Variants in PCDH15 observed in about 807,000 individuals in gnomAD.
PCDH15 encodes protocadherin-15.
PCDH15 carries 129 observed loss-of-function variants against 178.5 expected under a neutral mutation model. The observed-to-expected ratio is 0.72, with a 90% CI of 0.63 to 0.84. The LOEUF is 0.84. Among genes scored for constraint, PCDH15 ranks in the 40% least tolerant of loss-of-function variants. The probability of loss-of-function intolerance (pLI) is 0.00; values close to 1 mark genes in which losing one functional copy is unlikely to be tolerated. For missense variants in PCDH15, 2,230 were observed against 2,099.9 expected (o/e 1.06, Z -1.21); for synonymous variants, 800 against 732.0 (o/e 1.09, Z -1.50).
intron 3 of PCDH15, among the ~76,000 whole-genome samples, chr10:54,832,924 G>C (rs1268182264): frequency 1.3e-5 from 2 of 152,084 alleles, no homozygotes; most frequent in Non-Finnish European, 2.9e-5. Flanking sequence ...ACATTTTGCA[G>C]GTAAGGAAAC....
At chr10:54,351,107 T>A (rs1018275132) in intron 5 of PCDH15, among the ~76,000 whole-genome samples, 61 of 146,158 alleles carry the variant, frequency 4.2e-4, no homozygotes, top group East Asian at 1.0e-3. Context: ...TGTCTCAATT[T>A]AAAAAAAAAA....
chr10:54,848,218 A>G (rs1953547205), intron 3 of PCDH15, among the ~76,000 whole-genome samples: 1 of 151,916 alleles, frequency 6.6e-6, no homozygotes, highest in African/African-American at 2.4e-5. Flanking sequence ...ATCTCTATCT[A>G]CCAAAAATAG....
In PCDH15 at chr10:54,635,666, A is replaced by T. The variant is rs556897454; in HGVS notation, c.91+28506T>A. ...TATGGTAACAAATATAAAACATCAG[A>T]AGCCTAAAATAAGAAAAATTATATA... On this transcript the variant is annotated intron_variant, in intron 2 of 37. Coordinates refer to ENST00000644397, the MANE Select transcript of PCDH15 (RefSeq NM_001384140.1). 7.9e-5 allele frequency among the ~76,000 whole-genome samples: 12 copies of T among 151,974 alleles called. No individual in the cohort carries two copies. In the South Asian group the frequency reaches 2.5e-3, roughly 31 times the overall value.
chr10:54,976,341 G>C (rs557570232), intron 2 of PCDH15, among the ~76,000 whole-genome samples: 1 of 152,228 alleles, frequency 6.6e-6, no homozygotes, highest in African/African-American at 2.4e-5. Context: ...CCATGGTATT[G>C]TAGTTAAAAA....
At chr10:54,153,061 G>A in intron 14 of PCDH15, 39 bp downstream of exon 14, 1 of 1,605,946 alleles carries the variant, frequency 6.2e-7, no homozygotes, top group East Asian at 2.2e-5. Flanking sequence ...GGTTAAACGG[G>A]CCCGATGAAA....
chr10:55,487,042 C>G (rs12412734), intron 2 of PCDH15, among the ~76,000 whole-genome samples: 1 of 151,478 alleles, frequency 6.6e-6, no homozygotes, highest in Admixed American at 6.6e-5. Context: ...TAAATCTATA[C>G]AAATTATAAT....
At chr10:55,593,740 T>C (rs1157425122) in intron 2 of PCDH15, among the ~76,000 whole-genome samples, 1 of 151,856 alleles carries the variant, frequency 6.6e-6, no homozygotes, top group Non-Finnish European at 1.5e-5. Context: ...CCATAAACAA[T>C]TTTCACCGAA....
At chr10:54,928,898 T>G (rs1837696475) in intron 2 of PCDH15, among the ~76,000 whole-genome samples, 1 of 152,172 alleles carries the variant, frequency 6.6e-6, no homozygotes, top group Admixed American at 6.6e-5. Flanking sequence ...AGAGCTTTGT[T>G]GCTATCCATA....
chr10:54,237,248 C>G lies in PCDH15; in HGVS notation c.877-317G>C, dbSNP rs61543176. Among the ~76,000 whole-genome samples, 3,584 of 152,034 alleles carry G rather than the reference C, an allele frequency of 0.024. 137 individuals carry two copies. Among genetic ancestry groups the G allele is most frequent in the African/African-American group, 0.076 (3,144 of 41,472 alleles). ...GAGGATTTCACAAAAGAAATAGCAG[C>G]CTATCAAATAGTTTATGAAGTAATG... On this transcript the variant is annotated intron_variant, in intron 8 of 37. Transcript: ENST00000644397.
chr10:54,538,328 G>C (rs1043907287), intron 2 of PCDH15, among the ~76,000 whole-genome samples: 9 of 151,980 alleles, frequency 5.9e-5, no homozygotes, highest in Admixed American at 5.9e-4. Context: ...TTCTGTATGT[G>C]GCTAGCCAGT....
chr10:55,005,229 C>T (rs1021481027), intron 2 of PCDH15, among the ~76,000 whole-genome samples: 5 of 27,760 alleles, frequency 1.8e-4, no homozygotes, highest in East Asian at 2.3e-3. Flanking sequence ...TAATAATAAT[C>T]AATGGAGCCT....
chr10:54,752,492 C>CAAAAAAAAA (rs1227186569), intron 1 of PCDH15, among the ~76,000 whole-genome samples: 2 of 67,784 alleles, frequency 3.0e-5, no homozygotes, highest in African/African-American at 5.4e-5. Flanking sequence ...AAAAAAAAAA[C>CAAAAAAAAA]AAAAAACAAA....
chr10:54,118,062 T>C (rs2095146977), intron 15 of PCDH15, among the ~76,000 whole-genome samples: 1 of 152,016 alleles, frequency 6.6e-6, no homozygotes, highest in Non-Finnish European at 1.5e-5. Flanking sequence ...TAAGTGGCAG[T>C]GAAAAAGAGC....
At chr10:53,900,556 AC>A (rs1440937683) in intron 26 of PCDH15, among the ~76,000 whole-genome samples, 1 of 152,086 alleles carries the variant, frequency 6.6e-6, no homozygotes. Context: ...TTACACTACT[AC>A]CAAACTTTCG....
intron 3 of PCDH15, among the ~76,000 whole-genome samples, chr10:54,409,896 A>G (rs991007613): frequency 6.6e-6 from 1 of 152,158 alleles, no homozygotes; most frequent in African/African-American, 2.4e-5. Flanking sequence ...TGATACAGCA[A>G]TAAAACCCTC....
intron 1 of PCDH15, among the ~76,000 whole-genome samples, chr10:54,722,261 G>A (rs776477890): frequency 6.6e-6 from 1 of 151,568 alleles, no homozygotes. Flanking sequence ...CCAAAATTAT[G>A]CTGAATAAGG....
intron 2 of PCDH15, among the ~76,000 whole-genome samples, chr10:54,645,548 T>G (rs537808335): frequency 1.7e-4 from 26 of 152,244 alleles, no homozygotes; most frequent in African/African-American, 6.0e-4. Flanking sequence ...TTCCTATTAT[T>G]TGCCAGATAC....
intron 4 of PCDH15, 125 bp downstream of exon 4, chr10:54,378,657 G>A: frequency 9.4e-7 from 1 of 1,067,438 alleles, no homozygotes; most frequent in Middle Eastern, 3.1e-4. Flanking sequence ...TAAAGAAACT[G>A]TTGTTGCTAT....
intron 2 of PCDH15, among the ~76,000 whole-genome samples, chr10:55,001,009 C>T (rs534554350): frequency 6.6e-6 from 1 of 152,176 alleles, no homozygotes; most frequent in African/African-American, 2.4e-5. Flanking sequence ...CAGCTAGACT[C>T]ACACACTCTT....
Sources: gnomAD v4.1 joint callset for allele counts (sites outside exome capture counted in the v4.1 genomes callset) on GRCh38, gnomAD v4.1.1 for gene constraint, MANE v1.5 for transcripts, NCBI Gene and HGNC (gene_info 2026-07-23, HGNC 2026-07-21) for gene names.